Variants in SLC7A1 observed in about 807,000 individuals in gnomAD.
SLC7A1 encodes the protein solute carrier family 7 member 1, also known as high affinity cationic amino acid transporter 1.
In SLC7A1, 10 loss-of-function variants were observed where a neutral mutation model predicts 53.9. That is an observed-to-expected ratio of 0.19 (90% CI 0.11 to 0.31). SLC7A1 has a LOEUF of 0.31. Among genes scored for constraint, SLC7A1 ranks in the 10% least tolerant of loss-of-function variants. The probability of loss-of-function intolerance (pLI) is 1.00; values close to 1 mark genes in which losing one functional copy is unlikely to be tolerated. For missense variants in SLC7A1, 525 were observed against 827.2 expected (o/e 0.63, Z 4.48); for synonymous variants, 342 against 338.7 (o/e 1.01, Z -0.11).
chr13:29,531,316 G>GT (rs35134959), intron 4 of SLC7A1, among the ~76,000 whole-genome samples: 342 of 149,880 alleles, frequency 2.3e-3, no homozygotes, highest in Middle Eastern at 0.021. Flanking sequence ...GCAAACTCAC[G>GT]TTTTTTTTTT....
At chr13:29,552,915 C>T (rs1334981057) in intron 2 of SLC7A1, among the ~76,000 whole-genome samples, 1 of 151,934 alleles carries the variant, frequency 6.6e-6, no homozygotes, top group South Asian at 2.1e-4. Flanking sequence ...TCTCGGCACC[C>T]AAACTACATG....
chr13:29,517,042 T>G lies in SLC7A1; in HGVS notation c.1677+102A>C, dbSNP rs138361042. 1.0e-3 allele frequency: 1,186 copies of G among 1,184,750 alleles called. 13 individuals carry two copies. The African/African-American group carries it at 0.015, about 15-fold the overall frequency. The allele number at this position is 1,184,750 out of a possible 1,614,324, so 73.4% of individuals were successfully genotyped here. A position where few individuals can be genotyped will look rare whatever the true frequency, so the allele number is the denominator to read the frequency against. ...TGAAGCTGGCTAGCAAAAACCTTCC[T>G]CGGGAGCACCCAGGCCCGGCTGAGC... On this transcript the variant is annotated intron_variant, in intron 11 of 12. Coordinates refer to ENST00000380752, the MANE Select transcript of SLC7A1 (RefSeq NM_003045.5).
intron 1 of SLC7A1, among the ~76,000 whole-genome samples, chr13:29,574,554 T>C (rs755121899): frequency 1.9e-4 from 29 of 152,152 alleles, no homozygotes; most frequent in Non-Finnish European, 4.0e-4. Context: ...AAAGAGCCTG[T>C]TTTGAAATTT....
At chr13:29,587,350 T>TGA (rs1364470561) in intron 1 of SLC7A1, among the ~76,000 whole-genome samples, 1 of 152,122 alleles carries the variant, frequency 6.6e-6, no homozygotes, top group East Asian at 1.9e-4. Flanking sequence ...GGAAGCGAGA[T>TGA]CCAAACTTCA....
At chr13:29,519,806 G>A (rs1332302386) in intron 8 of SLC7A1, among the ~76,000 whole-genome samples, 2 of 152,100 alleles carry the variant, frequency 1.3e-5, no homozygotes, top group African/African-American at 4.8e-5. Context: ...TCATTCTTGT[G>A]ATTTTAATGG....
chr13:29,568,885 A>T (rs528336), intron 1 of SLC7A1, among the ~76,000 whole-genome samples: 7 of 152,128 alleles, frequency 4.6e-5, no homozygotes, highest in African/African-American at 1.7e-4. Flanking sequence ...CTAATACACC[A>T]AGTGACTCAG....
chr13:29,551,024 G>T (rs1355241924), intron 2 of SLC7A1, among the ~76,000 whole-genome samples: 2 of 152,178 alleles, frequency 1.3e-5, no homozygotes, highest in Non-Finnish European at 2.9e-5. Flanking sequence ...TGAATGATTT[G>T]AAAGTAATTT....
intron 2 of SLC7A1, among the ~76,000 whole-genome samples, chr13:29,544,108 C>T (rs1869796434): frequency 6.6e-6 from 1 of 152,190 alleles, no homozygotes; most frequent in African/African-American, 2.4e-5. Context: ...AAACAAATAA[C>T]CCACAGGCCG....
At chr13:29,552,849 T>C (rs1870260437) in intron 2 of SLC7A1, among the ~76,000 whole-genome samples, 1 of 150,968 alleles carries the variant, frequency 6.6e-6, no homozygotes, top group Non-Finnish European at 1.5e-5. Flanking sequence ...TATATTTCTG[T>C]GTGTGTTTCT....
At chr13:29,529,586 G>A (rs1206253089) in intron 5 of SLC7A1, among the ~76,000 whole-genome samples, 1 of 152,196 alleles carries the variant, frequency 6.6e-6, no homozygotes. Flanking sequence ...ATGTCCTGGG[G>A]GAAGATGGAG....
At position 29,536,200 on chromosome 13, in the gene SLC7A1, G is replaced by T; in HGVS notation, c.-12C>A. ...ACTTTGCACCCCATGTTGCTGTTCA[G>T]AGCTGTTGAAAAAGAACAAAGATGT... On this transcript the variant is annotated splice_region_variant and 5_prime_UTR_variant, in exon 3 of 13. It adds an upstream start codon to the 5' untranslated region. Transcript: ENST00000380752. The T allele has an allele frequency of 6.2e-7, 1 of 1,602,216 alleles. No homozygotes were observed. Among genetic ancestry groups the T allele is most frequent in the Non-Finnish European group, 8.5e-7 (1 of 1,171,562 alleles).
At chr13:29,524,863 A>T (rs1407035725) in intron 5 of SLC7A1, among the ~76,000 whole-genome samples, 1 of 152,230 alleles carries the variant, frequency 6.6e-6, no homozygotes, top group Non-Finnish European at 1.5e-5. Flanking sequence ...TACACTGATG[A>T]ACGCAAAAGC....
intron 1 of SLC7A1, among the ~76,000 whole-genome samples, chr13:29,574,333 A>T (rs1326106617): frequency 1.3e-5 from 2 of 152,242 alleles, no homozygotes; most frequent in African/African-American, 4.8e-5. Flanking sequence ...AGAGCTCCCC[A>T]TTCAGAGCTG....
intron 1 of SLC7A1, among the ~76,000 whole-genome samples, chr13:29,570,963 C>T (rs1756444): frequency 2.6e-5 from 4 of 152,068 alleles, no homozygotes; most frequent in African/African-American, 9.7e-5. Context: ...TAAAGCACTG[C>T]AGAGCACCTG....
chr13:29,563,562 C>T (rs1331832805), intron 1 of SLC7A1, among the ~76,000 whole-genome samples: 1 of 152,192 alleles, frequency 6.6e-6, no homozygotes, highest in Non-Finnish European at 1.5e-5. Flanking sequence ...GATGAAAAGA[C>T]GTAGGAGACG....
At chr13:29,526,224 G>C (rs375784161) in intron 5 of SLC7A1, among the ~76,000 whole-genome samples, 2 of 152,222 alleles carry the variant, frequency 1.3e-5, no homozygotes, top group East Asian at 3.9e-4. Flanking sequence ...GCCCACTATG[G>C]GAGGCCGAGG....
intron 1 of SLC7A1, among the ~76,000 whole-genome samples, chr13:29,565,474 A>C (rs75967001): frequency 0.024 from 3,703 of 152,214 alleles, 150 homozygotes; most frequent in African/African-American, 0.085. Context: ...AGAGGTGGGG[A>C]AGAGGGGGCC....
rs138343830 is a variant in SLC7A1 at position 29,585,380 on chromosome 13, G to A, written c.-115+10036C>T. On this transcript the variant is annotated intron_variant, in intron 1 of 12. Coordinates refer to ENST00000380752, the MANE Select transcript of SLC7A1 (RefSeq NM_003045.5). ...TGTTTTGCAAACTCCAAGTTGCCACGAGGAATTTTTCTTGTAATGAAATAG... is the reference window on the plus strand; with the variant it reads ...TGTTTTGCAAACTCCAAGTTGCCACAAGGAATTTTTCTTGTAATGAAATAG... Among the ~76,000 whole-genome samples, 1,145 of 152,224 alleles carry A rather than the reference G, an allele frequency of 7.5e-3. 11 individuals carry two copies. The highest frequency in any genetic ancestry group is 0.024 in the African/African-American group (1,004 of 41,530).
At chr13:29,514,733 T>C (rs879389370) in intron 12 of SLC7A1, 150 bp from the exon 13 acceptor site, 2 of 608,482 alleles carry the variant, frequency 3.3e-6, no homozygotes, top group African/African-American at 1.8e-5. Flanking sequence ...CCCTGTGACC[T>C]TTCCACATCT....
Sources: gnomAD v4.1 joint callset for allele counts (sites outside exome capture counted in the v4.1 genomes callset) on GRCh38, gnomAD v4.1.1 for gene constraint, MANE v1.5 for transcripts, NCBI Gene and HGNC (gene_info 2026-07-23, HGNC 2026-07-21) for gene names.